VAPB: variants seen among roughly 807,000 people sequenced by gnomAD.
VAPB encodes vesicle-associated membrane protein-associated protein B/C.
A neutral mutation model predicts 25.6 loss-of-function variants in VAPB; 7 were observed. The ratio of observed to expected loss-of-function variants is 0.27; its 90% CI spans 0.16 to 0.51. VAPB has a LOEUF of 0.51. Ranked by LOEUF, VAPB falls within the 20% of genes least tolerant of loss-of-function variation. The pLI, the probability that VAPB is intolerant of heterozygous loss-of-function variation, is 0.97. For synonymous variants in VAPB, 112 were observed against 109.2 expected (o/e 1.03, Z -0.16); for missense variants, 266 against 301.3 (o/e 0.88, Z 0.87).
At chr20:58,442,376 A>G (rs1989181373) in intron 5 of VAPB, among the ~76,000 whole-genome samples, 1 of 152,230 alleles carries the variant, frequency 6.6e-6, no homozygotes, top group Non-Finnish European at 1.5e-5. Flanking sequence ...CTTCTGAAAC[A>G]GAGTTCTGTG....
chr20:58,439,787 A>G (rs533995707), intron 4 of VAPB: 1 of 152,274 alleles, frequency 6.6e-6, no homozygotes, highest in Admixed American at 6.5e-5. Flanking sequence ...CATGATCCTC[A>G]CTTGTGACCA....
rs1404179532 is a variant in VAPB, at chr20:58,389,245, C to G, written c.-215C>G. On this transcript the variant is annotated 5_prime_UTR_variant, in exon 1 of 6. Coordinates refer to ENST00000475243, the MANE Select transcript of VAPB (RefSeq NM_004738.5). The stretch of plus-strand genomic sequence containing the variant: ...TGCGTGCGTGCGTGCCGTCAGCTCG[C>G]CGGGCACCGCGGCCTCGCCCTCGCC... 1.5e-6 allele frequency: 1 copy of G among 658,712 alleles called. No homozygotes were observed. The highest frequency in any genetic ancestry group is 2.8e-6 in the Non-Finnish European group (1 of 361,528). The allele number at this position is 658,712 out of a possible 1,614,324, so 40.8% of individuals were successfully genotyped here.
At chr20:58,416,476 GT>G (rs1988542383) in intron 1 of VAPB, among the ~76,000 whole-genome samples, 1 of 74,666 alleles carries the variant, frequency 1.3e-5, no homozygotes, top group Non-Finnish European at 3.0e-5. Context: ...GTGCTTGTGA[GT>G]TTTCTGTATT....
intron 5 of VAPB, among the ~76,000 whole-genome samples, chr20:58,441,332 T>TA (rs555631449): frequency 2.4e-3 from 335 of 142,226 alleles, no homozygotes; most frequent in South Asian, 0.01. Flanking sequence ...CTTGTCCCCT[T>TA]AAAAAAAAAA....
intron 1 of VAPB, among the ~76,000 whole-genome samples, chr20:58,401,119 G>T (rs1416309203): frequency 6.6e-6 from 1 of 152,180 alleles, no homozygotes; most frequent in Non-Finnish European, 1.5e-5. Context: ...AGACCACTTG[G>T]TCGGCTCATT....
chr20:58,444,440 TAG>T lies in VAPB; in HGVS notation c.*206_*207del, dbSNP rs1491099586. 0.055 allele frequency: 40,654 copies of T among 735,354 alleles called. 1,389 individuals carry two copies. The highest frequency in any genetic ancestry group is 0.071 in the Non-Finnish European group (29,755 of 420,910). The allele number at this position is 735,354 out of a possible 1,614,324, so 45.6% of individuals were successfully genotyped here. A position where few individuals can be genotyped will look rare whatever the true frequency, so the allele number is the denominator to read the frequency against. ...GATCTTTTAGAAAGTTAAAAATGTA[TAG>T]TAACTGATTGAGGGGGAAAAGAATG... On this transcript the variant is annotated 3_prime_UTR_variant, in exon 6 of 6. Transcript: ENST00000475243.
In VAPB at chr20:58,446,013, G is replaced by C; in HGVS notation, c.*1778G>C. 1 of 454,074 alleles carries C rather than the reference G, an allele frequency of 2.2e-6. No individual in the cohort carries two copies. The highest frequency in any genetic ancestry group is 4.4e-6 in the Non-Finnish European group (1 of 226,788). 28.1% of individuals were successfully genotyped at this position (454,074 alleles called of 1,614,324 possible). ...TCTGTCAAGCTGGGTCAGGGGCCTT[G>C]AAACTGGAGAAGTGGAAGTCTATGG... On this transcript the variant is annotated 3_prime_UTR_variant, in exon 6 of 6. Transcript: ENST00000475243.
In VAPB at chr20:58,445,576, T is replaced by G. The variant is rs2123107627; in HGVS notation, c.*1341T>G. ...AATTCTTTTGTCATTTTGTCACATT[T>G]GCTCTATGGGGGGAATTATTATTTT... On this transcript the variant is annotated 3_prime_UTR_variant, in exon 6 of 6. Coordinates refer to ENST00000475243, the MANE Select transcript of VAPB (RefSeq NM_004738.5). 2.2e-6 allele frequency: 1 copy of G among 454,416 alleles called. No homozygotes were observed. The highest frequency in any genetic ancestry group is 2.0e-5 in the African/African-American group (1 of 50,094). The allele number at this position is 454,416 out of a possible 1,614,324, so 28.1% of individuals were successfully genotyped here. A position where few individuals can be genotyped will look rare whatever the true frequency, so the allele number is the denominator to read the frequency against.
chr20:58,449,961 A>G lies in VAPB; in HGVS notation c.*5726A>G, dbSNP rs542401424. On this transcript the variant is annotated 3_prime_UTR_variant, in exon 6 of 6. Coordinates refer to ENST00000475243, the MANE Select transcript of VAPB (RefSeq NM_004738.5). ...TTTTTTTTCCCTTTGGAAAATGCCAACTAAGGGAGACTAATCAGATATCTT... is the reference window on the plus strand; with the variant it reads ...TTTTTTTTCCCTTTGGAAAATGCCAGCTAAGGGAGACTAATCAGATATCTT... The G allele has an allele frequency of 1.5e-5, 7 of 454,066 alleles. No homozygotes were observed. Among genetic ancestry groups the G allele is most frequent in the Non-Finnish European group, 2.6e-5 (6 of 226,780 alleles). The allele number at this position is 454,066 out of a possible 1,614,324, so 28.1% of individuals were successfully genotyped here.
chr20:58,405,667 A>G (rs1481277781), intron 1 of VAPB, among the ~76,000 whole-genome samples: 4 of 138,480 alleles, frequency 2.9e-5, no homozygotes, highest in African/African-American at 1.1e-4. Context: ...CTGGTCTTGA[A>G]CTCCTAAACT....
At chr20:58,414,170 G>A (rs112560525) in intron 1 of VAPB, among the ~76,000 whole-genome samples, 2 of 105,944 alleles carry the variant, frequency 1.9e-5, no homozygotes, top group Admixed American at 7.9e-5. Context: ...CTGGCCGGGC[G>A]GGGGGCTGAC....
At chr20:58,436,165 G>A (rs1989039589) in intron 3 of VAPB, among the ~76,000 whole-genome samples, 1 of 151,970 alleles carries the variant, frequency 6.6e-6, no homozygotes, top group Non-Finnish European at 1.5e-5. Flanking sequence ...GGTCATTTTA[G>A]TTCCTTGTAT....
intron 1 of VAPB, among the ~76,000 whole-genome samples, chr20:58,414,800 G>T (rs937336736): frequency 6.6e-6 from 1 of 152,176 alleles, no homozygotes; most frequent in Non-Finnish European, 1.5e-5. Flanking sequence ...AGGCAGAGAC[G>T]CTCCCCACTT....
chr20:58,449,943 T>TC lies in VAPB; in HGVS notation c.*5711dup, dbSNP rs1007307691. The TC allele has an allele frequency of 4.4e-6, 2 of 454,012 alleles. No individual in the cohort carries two copies. The highest frequency in any genetic ancestry group is 4.0e-5 in the African/African-American group (2 of 50,002). The allele number at this position is 454,012 out of a possible 1,614,324, so 28.1% of individuals were successfully genotyped here. On this transcript the variant is annotated 3_prime_UTR_variant, in exon 6 of 6. Coordinates refer to ENST00000475243, the MANE Select transcript of VAPB (RefSeq NM_004738.5). ...AAATAAAACAGGTTCCCTTTTTTTTTCCCTTTGGAAAATGCCAACTAAGGG... is the reference window on the plus strand; with the variant it reads ...AAATAAAACAGGTTCCCTTTTTTTTTCCCCTTTGGAAAATGCCAACTAAGGG...
At chr20:58,412,213 C>G (rs989651270) in intron 1 of VAPB, among the ~76,000 whole-genome samples, 13 of 152,046 alleles carry the variant, frequency 8.6e-5, no homozygotes, top group African/African-American at 3.1e-4. Flanking sequence ...ATTCTGTCAT[C>G]CTGTAGGAGT....
At chr20:58,415,243 A>G (rs986011680) in intron 1 of VAPB, among the ~76,000 whole-genome samples, 3 of 152,258 alleles carry the variant, frequency 2.0e-5, no homozygotes, top group Non-Finnish European at 4.4e-5. Flanking sequence ...GAAATAAATT[A>G]TACTGTGTTT....
chr20:58,389,430 C>G lies in VAPB; in HGVS notation c.-30C>G, dbSNP rs1329130768. On this transcript the variant is annotated 5_prime_UTR_variant, in exon 1 of 6. Transcript: ENST00000475243. The stretch of plus-strand genomic sequence containing the variant: ...GCCCCGGTGACCTCTCAGGGGTCTC[C>G]CCGCCAAAGGTGCTCCGCCGCTAAG... 5 of 1,579,986 alleles carry G rather than the reference C, an allele frequency of 3.2e-6. No individual in the cohort carries two copies. Among genetic ancestry groups the G allele is most frequent in the Non-Finnish European group, 4.3e-6 (5 of 1,163,358 alleles).
At chr20:58,399,457 G>A (rs573510931) in intron 1 of VAPB, among the ~76,000 whole-genome samples, 4 of 152,084 alleles carry the variant, frequency 2.6e-5, no homozygotes, top group East Asian at 3.9e-4. Context: ...GGTGGCTCAC[G>A]CCTGTAATTC....
At chr20:58,399,369 T>C (rs1295301937) in intron 1 of VAPB, among the ~76,000 whole-genome samples, 1 of 152,004 alleles carries the variant, frequency 6.6e-6, no homozygotes, top group Admixed American at 6.6e-5. Context: ...AATTGTCTCG[T>C]TGGCACCTCT....
Sources: allele counts gnomAD v4.1 joint callset (sites outside exome capture counted in the v4.1 genomes callset), GRCh38; gene constraint gnomAD v4.1.1; transcripts MANE v1.5; gene names NCBI Gene and HGNC (gene_info 2026-07-23, HGNC 2026-07-21).